TSPAN15: variants seen among roughly 807,000 people sequenced by gnomAD.
TSPAN15 encodes the protein tetraspanin 15.
Under a neutral mutation model 34.5 loss-of-function variants are expected in TSPAN15, and 20 were observed. That is an observed-to-expected ratio of 0.58 (90% CI 0.41 to 0.84). The LOEUF (loss-of-function observed/expected upper bound fraction) is 0.84, where lower values mean the gene tolerates loss of function less well. Ranked by LOEUF, TSPAN15 falls within the 40% of genes least tolerant of loss-of-function variation. The pLI is 0.00. For synonymous variants in TSPAN15, 155 were observed against 153.9 expected (o/e 1.01, Z -0.05); for missense variants, 313 against 386.1 (o/e 0.81, Z 1.59).
At chr10:69,541,817 G>C in the TSPAN15 span, among the ~76,000 whole-genome samples, 29,740 of 152,180 alleles carry the variant, frequency 0.2, 3,171 homozygotes, top group East Asian at 0.31. Context: ...TTAGCCACAA[G>C]TGGAACTGAA....
intron 1 of TSPAN15, among the ~76,000 whole-genome samples, chr10:69,466,323 CCTCT>C (rs1403653083): frequency 3.9e-5 from 6 of 151,962 alleles, no homozygotes; most frequent in Non-Finnish European, 1.5e-5. Context: ...GGAGTGCCAG[CCTCT>C]CTCTCAGCCT....
chr10:69,493,484 T>A (rs1842011424), intron 3 of TSPAN15, among the ~76,000 whole-genome samples: 1 of 149,940 alleles, frequency 6.7e-6, no homozygotes, highest in Non-Finnish European at 1.5e-5. Context: ...TTTTTTTTTT[T>A]TTTTTTGAGA....
chr10:69,544,662 G>C, the TSPAN15 span, among the ~76,000 whole-genome samples: 3 of 152,344 alleles, frequency 2.0e-5, no homozygotes, highest in East Asian at 3.9e-4. Flanking sequence ...GAGAGGCAAA[G>C]TTAGGAACGA....
chr10:69,460,058 A>AGAT (rs1361625814), intron 1 of TSPAN15, among the ~76,000 whole-genome samples: 1 of 121,796 alleles, frequency 8.2e-6, no homozygotes, highest in Non-Finnish European at 1.8e-5. Flanking sequence ...AGATGAGATG[A>AGAT]GATGAGATGA....
At chr10:69,477,377 T>C (rs1382581880) in intron 1 of TSPAN15, among the ~76,000 whole-genome samples, 1 of 152,120 alleles carries the variant, frequency 6.6e-6, no homozygotes, top group Admixed American at 6.5e-5. Context: ...CCTCCCAAAA[T>C]GCTGGGATTA....
chr10:69,538,657 T>C, the TSPAN15 span, among the ~76,000 whole-genome samples: 1 of 152,232 alleles, frequency 6.6e-6, no homozygotes, highest in African/African-American at 2.4e-5. Context: ...CTCATGACCA[T>C]CACAATGACT....
chr10:69,493,537 A>G (rs1842013204), intron 3 of TSPAN15, among the ~76,000 whole-genome samples: 1 of 137,174 alleles, frequency 7.3e-6, no homozygotes, highest in African/African-American at 2.8e-5. Flanking sequence ...CAGTGGTGCC[A>G]TCTCGGCTCA....
At chr10:69,461,797 G>C (rs1449169684) in intron 1 of TSPAN15, among the ~76,000 whole-genome samples, 3 of 152,192 alleles carry the variant, frequency 2.0e-5, no homozygotes, top group Middle Eastern at 3.4e-3. Flanking sequence ...ACAGGATTCT[G>C]AGACTAGGTC....
intron 1 of TSPAN15, among the ~76,000 whole-genome samples, chr10:69,483,441 C>A (rs1841780917): frequency 6.6e-6 from 1 of 152,158 alleles, no homozygotes; most frequent in Non-Finnish European, 1.5e-5. Flanking sequence ...ACCTTAGTGA[C>A]CTCATTTTAA....
chr10:69,528,666 T>C, the TSPAN15 span, among the ~76,000 whole-genome samples: 95 of 148,518 alleles, frequency 6.4e-4, 23 homozygotes, highest in East Asian at 0.019. Context: ...AGGAGTTTTA[T>C]TGAGCAATGG....
At chr10:69,545,884 A>C in the TSPAN15 span, among the ~76,000 whole-genome samples, 2 of 152,194 alleles carry the variant, frequency 1.3e-5, no homozygotes, top group Admixed American at 6.5e-5. Context: ...TGAACCCGGG[A>C]GGCCAAGGTT....
chr10:69,519,323 G>C, the TSPAN15 span, among the ~76,000 whole-genome samples: 3 of 152,180 alleles, frequency 2.0e-5, no homozygotes, highest in African/African-American at 7.2e-5. Flanking sequence ...GGGAGGTTGA[G>C]GTGGGAGGAT....
At chr10:69,496,747 C>T (rs1842093876) in intron 4 of TSPAN15, among the ~76,000 whole-genome samples, 1 of 152,184 alleles carries the variant, frequency 6.6e-6, no homozygotes, top group Middle Eastern at 3.2e-3. Flanking sequence ...CTTGCTGTGG[C>T]CGCTCCCTTG....
chr10:69,518,181 C>T, the TSPAN15 span, among the ~76,000 whole-genome samples: 36 of 152,282 alleles, frequency 2.4e-4, no homozygotes, highest in South Asian at 2.7e-3. Context: ...TTGCATTGAA[C>T]GCAATGAATA....
At chr10:69,462,526 AG>A (rs953724662) in intron 1 of TSPAN15, among the ~76,000 whole-genome samples, 1 of 150,960 alleles carries the variant, frequency 6.6e-6, no homozygotes, top group Non-Finnish European at 1.5e-5. Flanking sequence ...TAGTAGAGAC[AG>A]GGTTTCACCA....
At chr10:69,532,171 T>A in the TSPAN15 span, among the ~76,000 whole-genome samples, 61 of 152,076 alleles carry the variant, frequency 4.0e-4, no homozygotes, top group East Asian at 0.011. Context: ...TTCTTCACAG[T>A]TAAAAAAATT....
chr10:69,507,268 C>T lies in TSPAN15; in HGVS notation c.*290C>T. ...GCCTGGGCTACGGGGGAGGGAGAGCCTGAGGCTCTGCTCAGGGCCCATTTC... is the reference window on the plus strand; with the variant it reads ...GCCTGGGCTACGGGGGAGGGAGAGCTTGAGGCTCTGCTCAGGGCCCATTTC... On this transcript the variant is annotated 3_prime_UTR_variant, in exon 8 of 8. Coordinates refer to ENST00000373290, the MANE Select transcript of TSPAN15 (RefSeq NM_012339.5). 1 of 1,330,448 alleles carries T rather than the reference C, an allele frequency of 7.5e-7. No homozygotes were observed. The allele number at this position is 1,330,448 out of a possible 1,614,324, so 82.4% of individuals were successfully genotyped here. A position where few individuals can be genotyped will look rare whatever the true frequency, so the allele number is the denominator to read the frequency against.
chr10:69,488,697 A>G (rs997653972), intron 3 of TSPAN15, among the ~76,000 whole-genome samples: 2 of 152,176 alleles, frequency 1.3e-5, no homozygotes, highest in African/African-American at 4.8e-5. Context: ...AAGTTTTATT[A>G]AGGATTTCAA....
downstream of TSPAN15, among the ~76,000 whole-genome samples, chr10:69,511,797 G>A (rs1842417376): frequency 6.6e-6 from 1 of 152,050 alleles, no homozygotes; most frequent in Non-Finnish European, 1.5e-5. Context: ...GCAGGGACAT[G>A]GATGAAGCTG....
Sources: gnomAD v4.1 joint callset for allele counts (sites outside exome capture counted in the v4.1 genomes callset) on GRCh38, gnomAD v4.1.1 for gene constraint, MANE v1.5 for transcripts, NCBI Gene and HGNC (gene_info 2026-07-23, HGNC 2026-07-21) for gene names.